VMP1: variants seen among roughly 807,000 people sequenced by gnomAD.
VMP1 encodes the protein ectopic P-granules autophagy protein 3 homolog.
In VMP1, 11 loss-of-function variants were observed where a neutral mutation model predicts 56.0. The ratio of observed to expected loss-of-function variants is 0.20; its 90% CI spans 0.12 to 0.32. The LOEUF is 0.32. VMP1 is among the 10% of genes least tolerant of loss of function. The pLI is 1.00. For synonymous variants in VMP1, 149 were observed against 165.0 expected, an observed-to-expected ratio of 0.90 and a Z score of 0.74; for missense variants, 296 against 490.3, an observed-to-expected ratio of 0.60 and a Z score of 3.74.
chr17:59,710,340 G>A (rs1422632971), intron 1 of VMP1, among the ~76,000 whole-genome samples: 1 of 152,214 alleles, frequency 6.6e-6, no homozygotes, highest in African/African-American at 2.4e-5. Flanking sequence ...TGGCTTGCTT[G>A]AGGTCATCTG....
At chr17:59,825,975 G>A (rs1407594016) in intron 10 of VMP1, among the ~76,000 whole-genome samples, 3 of 152,164 alleles carry the variant, frequency 2.0e-5, no homozygotes, top group Non-Finnish European at 4.4e-5. Flanking sequence ...GGATAAAATG[G>A]TCCATGTATT....
At chr17:59,770,066 C>T (rs184153218) in intron 6 of VMP1, among the ~76,000 whole-genome samples, 75 of 152,200 alleles carry the variant, frequency 4.9e-4, no homozygotes, top group African/African-American at 1.6e-3. Context: ...TGGGAAAACA[C>T]TAGGAGAATT....
In VMP1 at chr17:59,839,973, C is replaced by G. The variant is rs917028815; in HGVS notation, c.*62C>G. 7.0e-6 allele frequency: 11 copies of G among 1,571,108 alleles called. No homozygotes were observed. In the African/African-American group the frequency reaches 1.5e-4, roughly 22 times the overall value. On this transcript the variant is annotated 3_prime_UTR_variant, in exon 12 of 12. Coordinates refer to ENST00000262291, the MANE Select transcript of VMP1 (RefSeq NM_030938.5). Reference sequence around the variant, plus strand: ...TGGGTTCTGCCTTAAATTGGGAGGACTCCAAGCCGGGAAGGAAAATTCCCT... The same window carrying G: ...TGGGTTCTGCCTTAAATTGGGAGGAGTCCAAGCCGGGAAGGAAAATTCCCT...
Position 59,841,165 on chromosome 17 carries a change from G to T in VMP1, c.*1254G>T. On this transcript the variant is annotated 3_prime_UTR_variant, in exon 12 of 12. Coordinates refer to ENST00000262291, the MANE Select transcript of VMP1 (RefSeq NM_030938.5). ...GATCTTAACAGGCCAGAAATGCCTG[G>T]GTTTTTTTGGTTTGTTTTTGTTTTT... 1 of 366,714 alleles carries T rather than the reference G, an allele frequency of 2.7e-6. No homozygotes were observed. Among genetic ancestry groups the T allele is most frequent in the South Asian group, 2.3e-5 (1 of 44,444 alleles). 22.7% of individuals were successfully genotyped at this position (366,714 alleles called of 1,614,324 possible).
intron 6 of VMP1, among the ~76,000 whole-genome samples, chr17:59,766,041 T>TTG (rs1477903796): frequency 3.3e-5 from 5 of 151,934 alleles, no homozygotes; most frequent in African/African-American, 1.2e-4. Flanking sequence ...CAAATAAAAA[T>TTG]TGTGTGTGTG....
At chr17:59,710,269 A>C (rs1462640648) in intron 1 of VMP1, among the ~76,000 whole-genome samples, 1 of 152,252 alleles carries the variant, frequency 6.6e-6, no homozygotes, top group African/African-American at 2.4e-5. Context: ...TGAATGTATA[A>C]GTAGATTCCC....
At chr17:59,737,187 C>T (rs1369642930) in intron 3 of VMP1, among the ~76,000 whole-genome samples, 3 of 152,172 alleles carry the variant, frequency 2.0e-5, no homozygotes, top group African/African-American at 7.2e-5. Flanking sequence ...TATAATGCTT[C>T]TCCATATTAT....
At chr17:59,790,807 T>TAA (rs1221366103) in intron 7 of VMP1, among the ~76,000 whole-genome samples, 2 of 152,144 alleles carry the variant, frequency 1.3e-5, no homozygotes, top group African/African-American at 4.8e-5. Context: ...AAGAAAGTTT[T>TAA]AAAGTTTACA....
chr17:59,831,851 T>C (rs2038818608), intron 10 of VMP1, among the ~76,000 whole-genome samples: 1 of 151,718 alleles, frequency 6.6e-6, no homozygotes, highest in Non-Finnish European at 1.5e-5. Flanking sequence ...AAATTGCCAC[T>C]AGCATCATTT....
chr17:59,781,593 A>C (rs1339425091), intron 7 of VMP1, among the ~76,000 whole-genome samples: 1 of 152,142 alleles, frequency 6.6e-6, no homozygotes, highest in African/African-American at 2.4e-5. Flanking sequence ...CTAAGAGTGA[A>C]ATCATATTGT....
intron 7 of VMP1, among the ~76,000 whole-genome samples, chr17:59,808,022 T>G (rs2144209109): frequency 6.6e-6 from 1 of 152,128 alleles, no homozygotes; most frequent in South Asian, 2.1e-4. Flanking sequence ...AACCAGAAAA[T>G]AATTAAAGTC....
intron 5 of VMP1, among the ~76,000 whole-genome samples, chr17:59,744,187 G>A (rs186682902): frequency 2.1e-4 from 32 of 151,478 alleles, no homozygotes; most frequent in African/African-American, 5.8e-4. Context: ...TTGACCAGGC[G>A]CGGTGGCTCA....
intron 1 of VMP1, among the ~76,000 whole-genome samples, chr17:59,709,820 G>C (rs567336444): frequency 4.6e-5 from 7 of 152,226 alleles, no homozygotes; most frequent in Non-Finnish European, 8.8e-5. Flanking sequence ...GAACTTCCAA[G>C]TGCAGAAAAA....
At chr17:59,710,730 C>G (rs947342986) in intron 1 of VMP1, among the ~76,000 whole-genome samples, 1 of 152,146 alleles carries the variant, frequency 6.6e-6, no homozygotes, top group African/African-American at 2.4e-5. Context: ...GTGGAAATGA[C>G]GGAGGAGCCT....
intron 1 of VMP1, among the ~76,000 whole-genome samples, chr17:59,710,278 C>A (rs772335437): frequency 1.3e-5 from 2 of 152,082 alleles, no homozygotes; most frequent in Non-Finnish European, 2.9e-5. Context: ...AAGTAGATTC[C>A]CATTTAACAG....
chr17:59,812,386 A>G (rs2038081578), intron 9 of VMP1, among the ~76,000 whole-genome samples: 1 of 152,162 alleles, frequency 6.6e-6, no homozygotes, highest in African/African-American at 2.4e-5. Flanking sequence ...CTAGTCCTCA[A>G]AGCCACTCTT....
At chr17:59,757,016 T>C (rs551252734) in intron 5 of VMP1, among the ~76,000 whole-genome samples, 1 of 152,250 alleles carries the variant, frequency 6.6e-6, no homozygotes, top group African/African-American at 2.4e-5. Context: ...AAGTTCAAAA[T>C]CCAGAAAATG....
chr17:59,765,193 T>C (rs1399975817), intron 6 of VMP1, 55 bp downstream of exon 6: 1 of 1,527,908 alleles, frequency 6.5e-7, no homozygotes, highest in African/African-American at 1.4e-5. Flanking sequence ...CTTGATAGTG[T>C]GTGTACCTTA....
chr17:59,798,722 A>C (rs1344839273), intron 7 of VMP1, among the ~76,000 whole-genome samples: 1 of 152,152 alleles, frequency 6.6e-6, no homozygotes, highest in Non-Finnish European at 1.5e-5. Flanking sequence ...CCCCGTCTCC[A>C]CTAAAAATAC....
Sources: allele counts gnomAD v4.1 joint callset (sites outside exome capture counted in the v4.1 genomes callset), GRCh38; gene constraint gnomAD v4.1.1; transcripts MANE v1.5; gene names NCBI Gene and HGNC (gene_info 2026-07-23, HGNC 2026-07-21).